The following TICAM2 variants were observed in gnomAD, a reference collection of about 807,000 sequenced individuals.
TICAM2 encodes TIR domain containing adaptor molecule 2, also known as TIR domain-containing adapter molecule 2.
A neutral mutation model predicts 7.3 loss-of-function variants in TICAM2; 8 were observed. The observed-to-expected ratio is 1.10, with a 90% CI of 0.65 to 1.99. The LOEUF is 1.99. Among genes scored for constraint, TICAM2 ranks in the 30% most tolerant of loss-of-function variants. The pLI is 0.00. For synonymous variants in TICAM2, 113 were observed against 99.6 expected (o/e 1.13, Z -0.80); for missense variants, 304 against 278.8 (o/e 1.09, Z -0.65).
chr5:115,593,125 A>T (rs1755373025), intron 1 of TICAM2, among the ~76,000 whole-genome samples: 1 of 152,246 alleles, frequency 6.6e-6, no homozygotes, highest in Non-Finnish European at 1.5e-5. Flanking sequence ...CCTGGGCGAG[A>T]GAATGAGATT....
intron 1 of TICAM2, among the ~76,000 whole-genome samples, chr5:115,601,782 G>A (rs1192455924): frequency 6.6e-6 from 1 of 152,160 alleles, no homozygotes; most frequent in Non-Finnish European, 1.5e-5. Flanking sequence ...CTCATGCAGA[G>A]CCTTTAGAGC....
chr5:115,587,107 A>G (rs1755133634), intron 1 of TICAM2, among the ~76,000 whole-genome samples: 1 of 152,180 alleles, frequency 6.6e-6, no homozygotes, highest in African/African-American at 2.4e-5. Context: ...GAGGAGGCAG[A>G]AGAGGAAGGG....
In TICAM2 at chr5:115,587,345, G is replaced by A. The variant is rs140768198; in HGVS notation, c.-59-6030C>T. On this transcript the variant is annotated intron_variant, in intron 1 of 1. Transcript: ENST00000427199. ...ATGGTGACCTATGGGACTTTGAGTT[G>A]TACCTTTTAGAGAGAAGGTGAGTGC... is the stretch of plus-strand genomic sequence containing the variant. Among the ~76,000 whole-genome samples the A allele has an allele frequency of 1.2e-4, 18 of 152,272 alleles. No homozygotes were observed. In the East Asian group the frequency reaches 2.9e-3, roughly 24 times the overall value.
intron 1 of TICAM2, among the ~76,000 whole-genome samples, chr5:115,594,880 T>C (rs1234330141): frequency 2.0e-5 from 3 of 152,150 alleles, no homozygotes; most frequent in Admixed American, 1.3e-4. Flanking sequence ...AGGCGTATCA[T>C]GACTTTAGGA....
intron 1 of TICAM2, among the ~76,000 whole-genome samples, chr5:115,585,768 G>C (rs902906713): frequency 1.3e-5 from 2 of 152,192 alleles, no homozygotes; most frequent in Non-Finnish European, 2.9e-5. Flanking sequence ...ATTTTGAGCA[G>C]AGGAGTGACA....
intron 1 of TICAM2, among the ~76,000 whole-genome samples, chr5:115,586,451 T>C (rs1291574454): frequency 2.1e-5 from 3 of 146,340 alleles, no homozygotes; most frequent in Non-Finnish European, 4.5e-5. Context: ...CAGAAAGAAC[T>C]AGCAAAGGAG....
intron 1 of TICAM2, among the ~76,000 whole-genome samples, chr5:115,593,339 T>G (rs1755381173): frequency 6.6e-6 from 1 of 151,736 alleles, no homozygotes; most frequent in African/African-American, 2.4e-5. Context: ...ATGGATATAA[T>G]AAGATCAACA....
rs960324348 is a variant in TICAM2 at position 115,598,456 on chromosome 5, G to C, written c.-60+3641C>G. Among the ~76,000 whole-genome samples, 4 of 152,260 alleles carry C rather than the reference G, an allele frequency of 2.6e-5. No homozygotes were observed. The South Asian group carries it at 6.2e-4, about 24-fold the overall frequency. On this transcript the variant is annotated intron_variant, in intron 1 of 1. Transcript: ENST00000427199. Reference sequence around the variant, plus strand: ...TTCATCGTACCTAAAACAGGTCCTTGAGCAAGTAAATGTTTAAAAAAATGC... The same window carrying C: ...TTCATCGTACCTAAAACAGGTCCTTCAGCAAGTAAATGTTTAAAAAAATGC...
chr5:115,596,658 G>C (rs10073505), intron 1 of TICAM2, among the ~76,000 whole-genome samples: 54,492 of 152,056 alleles, frequency 0.36, 9,825 homozygotes, highest in Non-Finnish European at 0.38. Context: ...GGTGGCTCAC[G>C]CCTGTAATCC....
chr5:115,596,627 A>C (rs2127205671), intron 1 of TICAM2, among the ~76,000 whole-genome samples: 1 of 152,152 alleles, frequency 6.6e-6, no homozygotes, highest in South Asian at 2.1e-4. Flanking sequence ...CTCCCCAAAA[A>C]CCAGAACCTT....
intron 1 of TICAM2, 31 bp downstream of exon 1, chr5:115,602,066 G>A (rs1755776678): frequency 6.6e-6 from 1 of 151,264 alleles, no homozygotes; most frequent in South Asian, 2.1e-4. Flanking sequence ...CGCCCCCGGC[G>A]GCGGCCCCCG....
At position 115,584,008 on chromosome 5, in the gene TICAM2, A is replaced by G. The variant is rs141825307; in HGVS notation, c.-59-2693T>C. On this transcript the variant is annotated intron_variant, in intron 1 of 1. Coordinates refer to ENST00000427199, the MANE Select transcript of TICAM2 (RefSeq NM_021649.7). ...TTCATAAAAATTAAAATGTGTATGT[A>G]TATACATTTTCATTTACTTTTTTTA... 2.0e-3 allele frequency among the ~76,000 whole-genome samples: 306 copies of G among 152,220 alleles called. 2 individuals carry two copies. Among genetic ancestry groups the G allele is most frequent in the African/African-American group, 6.8e-3 (283 of 41,510 alleles).
At chr5:115,586,248 T>C (rs1461315477) in intron 1 of TICAM2, among the ~76,000 whole-genome samples, 3 of 152,184 alleles carry the variant, frequency 2.0e-5, no homozygotes, top group Admixed American at 2.0e-4. Flanking sequence ...GATTAACTAT[T>C]CCTACAGTGA....
At chr5:115,593,601 A>C (rs974804378) in intron 1 of TICAM2, among the ~76,000 whole-genome samples, 2 of 152,214 alleles carry the variant, frequency 1.3e-5, no homozygotes, top group African/African-American at 4.8e-5. Context: ...TTCTCTCTAA[A>C]TTGATATATA....
chr5:115,600,839 T>C (rs930577821), intron 1 of TICAM2, among the ~76,000 whole-genome samples: 6 of 151,996 alleles, frequency 3.9e-5, no homozygotes, highest in East Asian at 1.9e-4. Context: ...AGAAGCAAAG[T>C]AGGGGAGCGG....
intron 1 of TICAM2, among the ~76,000 whole-genome samples, chr5:115,582,874 C>T (rs554403781): frequency 4.6e-5 from 4 of 86,312 alleles, no homozygotes; most frequent in Non-Finnish European, 8.6e-5. Flanking sequence ...GGAACAAAAA[C>T]CAAGGAAAAA....
At chr5:115,596,884 A>G (rs1755532685) in intron 1 of TICAM2, among the ~76,000 whole-genome samples, 1 of 152,180 alleles carries the variant, frequency 6.6e-6, no homozygotes, top group Admixed American at 6.5e-5. Context: ...ACGCCACTGC[A>G]CACTCCAGCC....
At chr5:115,599,289 G>T (rs1040967441) in intron 1 of TICAM2, among the ~76,000 whole-genome samples, 1 of 151,890 alleles carries the variant, frequency 6.6e-6, no homozygotes. Context: ...GTGGGGGGAG[G>T]GGGGCAAAGT....
At chr5:115,599,580 T>A (rs2112525341) in intron 1 of TICAM2, among the ~76,000 whole-genome samples, 1 of 152,324 alleles carries the variant, frequency 6.6e-6, no homozygotes, top group African/African-American at 2.4e-5. Context: ...TAGCATTCAG[T>A]ATTTAATAGC....
Sources: gnomAD v4.1 joint callset for allele counts (sites outside exome capture counted in the v4.1 genomes callset) on GRCh38, gnomAD v4.1.1 for gene constraint, MANE v1.5 for transcripts, NCBI Gene and HGNC (gene_info 2026-07-23, HGNC 2026-07-21) for gene names.